Variants in PTMA observed in about 807,000 individuals in gnomAD.
The protein encoded by PTMA is gene sequence 28.
PTMA carries 4 observed loss-of-function variants against 16.9 expected under a neutral mutation model. The ratio of observed to expected loss-of-function variants is 0.24; its 90% CI spans 0.12 to 0.54. PTMA has a LOEUF of 0.54. Ranked by LOEUF, PTMA falls within the 20% of genes least tolerant of loss-of-function variation. PTMA has a pLI of 0.95. For synonymous variants in PTMA, 58 were observed against 47.9 expected (o/e 1.21, Z -0.87); for missense variants, 120 against 137.7 (o/e 0.87, Z 0.64).
In PTMA at chr2:231,711,447, T is replaced by C. The variant is rs749551618; in HGVS notation, c.117+28T>C. On this transcript the variant is annotated intron_variant, in intron 2 of 4. Transcript: ENST00000409115. ...GAGTGTCTGCTTTGCTCCTGAGCCC[T>C]GGCAGCTACCGCCCCACAAAATTTT... The C allele has an allele frequency of 4.3e-6, 7 of 1,610,268 alleles. 1 individual carries two copies. The South Asian group carries it at 7.7e-5, about 18-fold the overall frequency.
chr2:231,710,208 G>A lies in PTMA; in HGVS notation c.46-1140G>A, dbSNP rs2048498750. 3.0e-6 allele frequency: 4 copies of A among 1,334,822 alleles called. No individual in the cohort carries two copies. The South Asian group carries it at 8.5e-5, about 28-fold the overall frequency. 82.7% of individuals were successfully genotyped at this position (1,334,822 alleles called of 1,614,324 possible). A position where few individuals can be genotyped will look rare whatever the true frequency, so the allele number is the denominator to read the frequency against. ...AGACATTCGGGCCTGCCGGGGTGGC[G>A]GCAGTGGGGCGTCGAGTCGAGAGCC... On this transcript the variant is annotated intron_variant, in intron 1 of 4. Coordinates refer to ENST00000409115, the MANE Select transcript of PTMA (RefSeq NM_002823.5).
At chr2:231,710,584 T>A (rs757990190) in intron 1 of PTMA, 24 of 514,754 alleles carry the variant, frequency 4.7e-5, no homozygotes, top group South Asian at 3.6e-4. Flanking sequence ...GCCGGACCTC[T>A]GTTGGTATTG....
rs752026450 is a variant in PTMA, at chr2:231,710,621, C to T, written c.46-727C>T. On this transcript the variant is annotated intron_variant, in intron 1 of 4. Coordinates refer to ENST00000409115, the MANE Select transcript of PTMA (RefSeq NM_002823.5). ...TGGCCGTGTCGTGTGGAAAAAGTTA[C>T]CGGGCGCCCGGGGCCGCGCTGCCTT... 249 of 468,610 alleles carry T rather than the reference C, an allele frequency of 5.3e-4. 1 individual carries two copies. Among genetic ancestry groups the T allele is most frequent in the Non-Finnish European group, 9.7e-4 (226 of 232,770 alleles). 29.0% of individuals were successfully genotyped at this position (468,610 alleles called of 1,614,324 possible).
Position 231,712,796 on chromosome 2 carries a change from C to G in PTMA, c.286-8C>G. 1 of 1,594,006 alleles carries G rather than the reference C, an allele frequency of 6.3e-7. No homozygotes were observed. The highest frequency in any genetic ancestry group is 1.1e-5 in the South Asian group (1 of 87,694). On this transcript the variant is annotated splice_polypyrimidine_tract_variant and splice_region_variant and intron_variant, in intron 4 of 4. Transcript: ENST00000409115. ...TGGAGGGGCCTTTGACAGTCTTTCT[C>G]TGCTTAGGATGACGATGTCGATACC... is the stretch of plus-strand genomic sequence containing the variant.
chr2:231,709,259 T>C (rs1430581016), intron 1 of PTMA, among the ~76,000 whole-genome samples: 1 of 152,020 alleles, frequency 6.6e-6, no homozygotes, highest in African/African-American at 2.4e-5. Flanking sequence ...GCAGCGGACC[T>C]GAGGTGGTTT....
intron 1 of PTMA, among the ~76,000 whole-genome samples, 191 bp downstream of exon 1, chr2:231,708,942 G>A (rs1357997904): frequency 6.6e-6 from 1 of 152,216 alleles, no homozygotes; most frequent in East Asian, 1.9e-4. Context: ...AACCGCCGCG[G>A]GCAGACGTGA....
At chr2:231,709,899 G>A (rs1314631722) in intron 1 of PTMA, 10 of 363,994 alleles carry the variant, frequency 2.7e-5, no homozygotes. Context: ...CGTCATCTCT[G>A]ACTCTCCCAG....
At chr2:231,709,683 C>T (rs907457186) in intron 1 of PTMA, 29 of 152,686 alleles carry the variant, frequency 1.9e-4, no homozygotes, top group Non-Finnish European at 3.8e-4. Flanking sequence ...TGAGGTCCTG[C>T]GCGGCTGGTG....
In PTMA at chr2:231,711,348, G is replaced by A; in HGVS notation, c.46G>A (p.Asp16Asn). The A allele has an allele frequency of 8.7e-6, 14 of 1,613,762 alleles. No homozygotes were observed. Among genetic ancestry groups the A allele is most frequent in the African/African-American group, 2.7e-5 (2 of 75,038 alleles). Residue 16 changes from aspartate (D) to asparagine (N), a missense_variant and splice_region_variant, in exon 2 of 5, where the codon GAC becomes AAC. Physicochemically the swap from Asp to Asn is conservative, Grantham distance 23 (BLOSUM62 1). Transcript: ENST00000409115. ...VDTSSEITTKDLKEKKEVVEE... is the reference protein window; with the variant it reads ...VDTSSEITTKNLKEKKEVVEE... ...ACTGGTTCCTTCTTCCCTTTTGAAG[G>A]ACTTAAAGGAGAAGAAGGAAGTTGT...
chr2:231,712,040 CAGA>C, intron 3 of PTMA, 57 bp downstream of exon 3: 1 of 1,548,568 alleles, frequency 6.5e-7, no homozygotes, highest in Non-Finnish European at 8.7e-7. Flanking sequence ...CCTTGTCTGG[CAGA>C]AGGGGAAGGA....
chr2:231,709,261 A>AG (rs35092448), intron 1 of PTMA, among the ~76,000 whole-genome samples: 1 of 151,634 alleles, frequency 6.6e-6, no homozygotes, highest in Non-Finnish European at 1.5e-5. Flanking sequence ...AGCGGACCTG[A>AG]GGTGGTTTGT....
intron 2 of PTMA, 178 bp downstream of exon 2, chr2:231,711,597 T>C (rs2048519468): frequency 2.7e-6 from 2 of 738,518 alleles, no homozygotes; most frequent in Non-Finnish European, 4.4e-6. Context: ...TAAATATTTA[T>C]AAAAACCTTT....
Position 231,708,553 on chromosome 2 carries a change from T to C in PTMA, c.-154T>C. The stretch of plus-strand genomic sequence containing the variant: ...CCACTGGCTGCTCTGAAAAGCCATC[T>C]TTGCATTGTTCCTCATCCGCCTCCT... On this transcript the variant is annotated 5_prime_UTR_variant, in exon 1 of 5. Transcript: ENST00000409115. The C allele has an allele frequency of 1.2e-6, 1 of 860,496 alleles. No individual in the cohort carries two copies. The highest frequency in any genetic ancestry group is 1.9e-6 in the Non-Finnish European group (1 of 531,472). 53.3% of individuals were successfully genotyped at this position (860,496 alleles called of 1,614,324 possible).
intron 2 of PTMA, 24 bp from the exon 3 acceptor site, chr2:231,711,866 C>A: frequency 6.2e-7 from 1 of 1,611,806 alleles, no homozygotes; most frequent in Non-Finnish European, 8.5e-7. Flanking sequence ...CTGGTAATGA[C>A]ATGGCCTGTT....
intron 3 of PTMA, 36 bp downstream of exon 3, chr2:231,712,019 C>T: frequency 1.9e-6 from 3 of 1,551,502 alleles, no homozygotes; most frequent in Non-Finnish European, 2.6e-6. Flanking sequence ...TTTTCAGGTA[C>T]TTTTTCCTGG....
chr2:231,711,076 G>C (rs1383579484), intron 1 of PTMA: 3 of 333,372 alleles, frequency 9.0e-6, no homozygotes, highest in African/African-American at 6.4e-5. Context: ...CCTTTTTCCT[G>C]GGAAGCGCCA....
chr2:231,708,816 G>A (rs1197276724), intron 1 of PTMA, 65 bp downstream of exon 1: 17 of 1,551,726 alleles, frequency 1.1e-5, no homozygotes, highest in African/African-American at 6.8e-5. Context: ...TGTTTGGCGC[G>A]CAGCAGCTGG....
Position 231,713,014 on chromosome 2 carries a change from C to A in PTMA, c.*163C>A. 1 of 653,604 alleles carries A rather than the reference C, an allele frequency of 1.5e-6. No homozygotes were observed. Among genetic ancestry groups the A allele is most frequent in the African/African-American group, 1.8e-5 (1 of 54,446 alleles). 40.5% of individuals were successfully genotyped at this position (653,604 alleles called of 1,614,324 possible). Reference sequence around the variant, plus strand: ...GCAGATGACACGCGCTCTCCACCACCCAACCCAAACCATGAGAATTTGCAA... The same window carrying A: ...GCAGATGACACGCGCTCTCCACCACACAACCCAAACCATGAGAATTTGCAA... On this transcript the variant is annotated 3_prime_UTR_variant, in exon 5 of 5. Coordinates refer to ENST00000409115, the MANE Select transcript of PTMA (RefSeq NM_002823.5).
intron 1 of PTMA, among the ~76,000 whole-genome samples, chr2:231,709,093 CG>C (rs1451362836): frequency 6.6e-6 from 1 of 152,162 alleles, no homozygotes; most frequent in Non-Finnish European, 1.5e-5. Flanking sequence ...GTCGGCCCGC[CG>C]GGCGCACGGA....
Sources: gnomAD v4.1 joint callset for allele counts (sites outside exome capture counted in the v4.1 genomes callset) on GRCh38, gnomAD v4.1.1 for gene constraint, MANE v1.5 for transcripts, NCBI Gene and HGNC (gene_info 2026-07-23, HGNC 2026-07-21) for gene names.